Variants in ERG observed in about 807,000 individuals in gnomAD.
ERG encodes transcriptional regulator ERG.
ERG carries 9 observed loss-of-function variants against 55.3 expected under a neutral mutation model. The ratio of observed to expected loss-of-function variants is 0.16; its 90% confidence interval spans 0.10 to 0.28. The LOEUF is 0.28. Among genes scored for constraint, ERG ranks in the 10% least tolerant of loss-of-function variants. The pLI is 1.00. For synonymous variants in ERG, 223 were observed against 237.3 expected (o/e 0.94, Z 0.55); for missense variants, 434 against 631.6 (o/e 0.69, Z 3.35).
chr21:38,634,775 T>C (rs1489243981), intron 1 of ERG, among the ~76,000 whole-genome samples: 1 of 152,216 alleles, frequency 6.6e-6, no homozygotes, highest in African/African-American at 2.4e-5. Flanking sequence ...ATTTTTAGAA[T>C]CTCAATAATG....
At chr21:38,577,914 C>T (rs1289217583) in intron 1 of ERG, among the ~76,000 whole-genome samples, 1 of 152,220 alleles carries the variant, frequency 6.6e-6, no homozygotes, top group African/African-American at 2.4e-5. Flanking sequence ...CCCAGGCTGA[C>T]CTGTGGCTGC....
Position 38,468,982 on chromosome 21 carries a change from C to CAAAAAAAAAAAAA in ERG, c.19-23374_19-23362dup, listed in dbSNP as rs1261630693. ...CCTGGGAGACAGCCAGACTCTGTCT[C>CAAAAAAAAAAAAA]AAAAAAAAAAAAAAAAAAAGAAAAA... On this transcript the variant is annotated intron_variant, in intron 1 of 9. Transcript: ENST00000288319. Among the ~76,000 whole-genome samples the CAAAAAAAAAAAAA allele has an allele frequency of 3.9e-3, 112 of 28,534 alleles. 2 individuals are homozygous for CAAAAAAAAAAAAA. The highest frequency in any genetic ancestry group is 7.5e-3 in the East Asian group (7 of 936). The allele number at this position is 28,534 out of a possible 152,430, so 18.7% of individuals were successfully genotyped here.
chr21:38,647,597 A>G (rs1374445332), intron 1 of ERG, among the ~76,000 whole-genome samples: 1 of 152,112 alleles, frequency 6.6e-6, no homozygotes, highest in Non-Finnish European at 1.5e-5. Context: ...GTTGGTCATG[A>G]AAAAAAAGGT....
At chr21:38,376,283 G>A (rs1327232317), downstream of ERG, among the ~76,000 whole-genome samples, 2 of 152,172 alleles carry the variant, frequency 1.3e-5, no homozygotes, top group Non-Finnish European at 2.9e-5. Flanking sequence ...AGAGAACTGT[G>A]GAATTGTCGG....
intron 1 of ERG, among the ~76,000 whole-genome samples, chr21:38,578,632 C>A (rs916425903): frequency 6.6e-6 from 1 of 152,056 alleles, no homozygotes; most frequent in Admixed American, 6.5e-5. Context: ...ATGAGAGGTA[C>A]CTGAGGCAGA....
chr21:38,617,443 T>A (rs988279073), intron 1 of ERG, among the ~76,000 whole-genome samples: 2 of 152,184 alleles, frequency 1.3e-5, no homozygotes, highest in African/African-American at 4.8e-5. Context: ...GGTTGGGAAT[T>A]CTTCACACAC....
intron 1 of ERG, among the ~76,000 whole-genome samples, chr21:38,582,793 C>G (rs2060038239): frequency 6.6e-6 from 1 of 152,160 alleles, no homozygotes; most frequent in Admixed American, 6.5e-5. Context: ...GTCGCCCAGG[C>G]TGGAGCGCAG....
At chr21:38,555,510 T>C (rs551539978) in intron 2 of ERG, among the ~76,000 whole-genome samples, 1 of 152,214 alleles carries the variant, frequency 6.6e-6, no homozygotes, top group Non-Finnish European at 1.5e-5. Flanking sequence ...AGTTTTAACA[T>C]CCTTAACATA....
At chr21:38,645,061 A>ATGTGGGAGGATCATTTGAG (rs1162823248) in intron 1 of ERG, among the ~76,000 whole-genome samples, 2 of 152,138 alleles carry the variant, frequency 1.3e-5, no homozygotes, top group Admixed American at 1.3e-4. Flanking sequence ...TGGGAGGCTG[A>ATGTGGGAGGATCATTTGAG]TGTGGGAGGA....
At chr21:38,621,467 G>A (rs73442435) in intron 1 of ERG, among the ~76,000 whole-genome samples, 9,946 of 152,182 alleles carry the variant, frequency 0.065, 597 homozygotes, top group African/African-American at 0.16. Context: ...TGCCATGAGA[G>A]CAGCATGCCT....
intron 1 of ERG, among the ~76,000 whole-genome samples, chr21:38,608,386 T>A (rs1415303441): frequency 6.6e-6 from 1 of 152,168 alleles, no homozygotes; most frequent in African/African-American, 2.4e-5. Context: ...CAAAGCTTGG[T>A]AATAAGGAGC....
chr21:38,372,078 G>A, the ERG span, among the ~76,000 whole-genome samples: 1 of 151,900 alleles, frequency 6.6e-6, no homozygotes, highest in African/African-American at 2.4e-5. Context: ...TGCTAGGTTT[G>A]TTTTCTACAC....
chr21:38,532,938 A>G (rs2146775800), intron 2 of ERG, among the ~76,000 whole-genome samples: 1 of 152,350 alleles, frequency 6.6e-6, no homozygotes, highest in South Asian at 2.1e-4. Flanking sequence ...ACATTTGGTC[A>G]AAAATGATCT....
intron 6 of ERG, chr21:38,400,076 T>C: frequency 6.4e-6 from 2 of 311,262 alleles, no homozygotes; most frequent in Admixed American, 4.5e-5. Context: ...TGTTTATTTT[T>C]GCATGAATGG....
chr21:38,625,878 T>TA (rs2060321168), intron 1 of ERG, among the ~76,000 whole-genome samples: 1 of 151,786 alleles, frequency 6.6e-6, no homozygotes, highest in Non-Finnish European at 1.5e-5. Flanking sequence ...GAAGCAGCTT[T>TA]AAAAAGCCCA....
intron 1 of ERG, among the ~76,000 whole-genome samples, chr21:38,473,040 G>A (rs1476713056): frequency 1.3e-5 from 2 of 152,000 alleles, no homozygotes; most frequent in Non-Finnish European, 2.9e-5. Context: ...GAACTTCCGG[G>A]ACCTGCAAGA....
intron 1 of ERG, among the ~76,000 whole-genome samples, chr21:38,494,601 GT>G (rs1307001823): frequency 6.6e-6 from 1 of 152,316 alleles, no homozygotes; most frequent in East Asian, 1.9e-4. Context: ...GTTAACCTGT[GT>G]TTGTGTTTAA....
chr21:38,425,191 C>A (rs1473180367), intron 2 of ERG, among the ~76,000 whole-genome samples: 1 of 152,116 alleles, frequency 6.6e-6, no homozygotes, highest in Admixed American at 6.5e-5. Flanking sequence ...CAAGACCAGC[C>A]TGATCAACAT....
chr21:38,595,767 C>A (rs2060127376), intron 1 of ERG, among the ~76,000 whole-genome samples: 1 of 152,158 alleles, frequency 6.6e-6, no homozygotes, highest in African/African-American at 2.4e-5. Flanking sequence ...ACCTGGAGGG[C>A]AAACCCTTCC....
Sources: gnomAD v4.1 joint callset for allele counts (sites outside exome capture counted in the v4.1 genomes callset) on GRCh38, gnomAD v4.1.1 for gene constraint, MANE v1.5 for transcripts, NCBI Gene and HGNC (gene_info 2026-07-23, HGNC 2026-07-21) for gene names.